SEC22A: variants seen among roughly 807,000 people sequenced by gnomAD.
SEC22A encodes SEC22 homolog A, vesicle trafficking protein.
SEC22A carries 22 observed loss-of-function variants against 35.3 expected under a neutral mutation model. The ratio of observed to expected loss-of-function variants is 0.62; its 90% CI spans 0.45 to 0.89. SEC22A has a LOEUF of 0.89. SEC22A is among the 40% of genes least tolerant of loss of function. The pLI is 0.00. For synonymous variants in SEC22A, 119 were observed against 129.5 expected (o/e 0.92, Z 0.55); for missense variants, 354 against 362.5 (o/e 0.98, Z 0.19).
chr3:123,227,483 C>T (rs1937234789), intron 4 of SEC22A, among the ~76,000 whole-genome samples: 1 of 152,220 alleles, frequency 6.6e-6, no homozygotes, highest in Non-Finnish European at 1.5e-5. Context: ...GGAGGGATAG[C>T]ATTAGGAGAA....
At chr3:123,232,665 A>C (rs9784382) in intron 4 of SEC22A, among the ~76,000 whole-genome samples, 40 of 152,056 alleles carry the variant, frequency 2.6e-4, no homozygotes. Flanking sequence ...TGGACAATGT[A>C]GTGCAACACT....
chr3:123,258,120 T>G (rs548031791), intron 5 of SEC22A, among the ~76,000 whole-genome samples: 1 of 152,274 alleles, frequency 6.6e-6, no homozygotes, highest in South Asian at 2.1e-4. Flanking sequence ...TCCCCACAAT[T>G]AAAGGTTATA....
At chr3:123,252,084 A>G (rs1471722216) in intron 5 of SEC22A, among the ~76,000 whole-genome samples, 2 of 152,230 alleles carry the variant, frequency 1.3e-5, no homozygotes, top group African/African-American at 2.4e-5. Flanking sequence ...TTAACCTGAA[A>G]GAAAATACAT....
rs1938205136 is a variant in SEC22A at position 123,272,938 on chromosome 3, G to GT, written c.*1222dup. On this transcript the variant is annotated 3_prime_UTR_variant, in exon 7 of 7. Coordinates refer to ENST00000492595, the MANE Select transcript of SEC22A (RefSeq NM_012430.5). ...CCCTAGTATCTGAGAGAACTTACTT[G>GT]TTTTTTGATAACGTTTTAAAGATTG... 6.5e-6 allele frequency: 1 copy of GT among 153,726 alleles called. No homozygotes were observed. Among genetic ancestry groups the GT allele is most frequent in the East Asian group, 1.9e-4 (1 of 5,204 alleles). The allele number at this position is 153,726 out of a possible 1,614,324, so 9.5% of individuals were successfully genotyped here.
chr3:123,209,314 T>G lies in SEC22A; in HGVS notation c.97T>G (p.Cys33Gly). 1 of 1,613,956 alleles carries G rather than the reference T, an allele frequency of 6.2e-7. No homozygotes were observed. Among genetic ancestry groups the G allele is most frequent in the Non-Finnish European group, 8.5e-7 (1 of 1,179,898 alleles). ...TGAACAAAGCACAGGAATGCAGGAGTGCAGAAAGTATTTTAAAATGCTTTC... is the reference window on the plus strand; with the variant it reads ...TGAACAAAGCACAGGAATGCAGGAGGGCAGAAAGTATTTTAAAATGCTTTC... ...DYEQSTGMQE[C>G]RKYFKMLSRK... Residue 33 changes from cysteine (C) to glycine (G), a missense_variant, in exon 2 of 7, where the codon TGC becomes GGC. Transcript: ENST00000492595.
chr3:123,273,140 G>A lies in SEC22A; in HGVS notation c.*1418G>A, dbSNP rs533962082. ...AAATTTGATATCATCCAGAAAAACA[G>A]ATCCCATTACATTGTAATTGTTGTT... On this transcript the variant is annotated 3_prime_UTR_variant, in exon 7 of 7. Coordinates refer to ENST00000492595, the MANE Select transcript of SEC22A (RefSeq NM_012430.5). The A allele has an allele frequency of 2.0e-5, 3 of 152,426 alleles. No homozygotes were observed. The highest frequency in any genetic ancestry group is 2.0e-4 in the Admixed American group (3 of 15,298). The allele number at this position is 152,426 out of a possible 1,614,324, so 9.4% of individuals were successfully genotyped here.
chr3:123,260,828 A>ATT (rs1354836055), intron 6 of SEC22A, among the ~76,000 whole-genome samples: 1 of 139,664 alleles, frequency 7.2e-6, no homozygotes. Context: ...AAATCACTTG[A>ATT]TTTTCTTTTT....
chr3:123,238,287 C>T (rs1488716247), intron 4 of SEC22A, among the ~76,000 whole-genome samples: 1 of 152,190 alleles, frequency 6.6e-6, no homozygotes, highest in African/African-American at 2.4e-5. Flanking sequence ...CAACCTCCAC[C>T]TCCTGGGTTA....
At chr3:123,205,339 T>G (rs1936833494) in intron 1 of SEC22A, among the ~76,000 whole-genome samples, 1 of 152,216 alleles carries the variant, frequency 6.6e-6, no homozygotes, top group Admixed American at 6.5e-5. Context: ...GTAATAATTT[T>G]GACAGGGAAT....
intron 1 of SEC22A, chr3:123,208,709 GAT>G (rs1485112792): frequency 6.5e-6 from 1 of 153,388 alleles, no homozygotes; most frequent in African/African-American, 2.5e-5. Context: ...GACAGAGCAA[GAT>G]GCTGTCTCAA....
rs180973043 is a variant in SEC22A at position 123,213,199 on chromosome 3, A to G, written c.182+3800A>G. Among the ~76,000 whole-genome samples the G allele has an allele frequency of 2.1e-3, 313 of 152,298 alleles. 3 individuals carry two copies. Among genetic ancestry groups the G allele is most frequent in the Non-Finnish European group, 4.4e-4 (30 of 68,004 alleles). ...AGTTCCTGACAAGGACCTGGATTTC[A>G]TATGTTTTCTATCATTGATAAGAGA... On this transcript the variant is annotated intron_variant, in intron 2 of 6. Transcript: ENST00000492595.
chr3:123,231,836 A>G (rs572568557), intron 4 of SEC22A, among the ~76,000 whole-genome samples: 1 of 152,346 alleles, frequency 6.6e-6, no homozygotes, highest in African/African-American at 2.4e-5. Context: ...AAACAAATGA[A>G]ATAGAGGATA....
intron 6 of SEC22A, among the ~76,000 whole-genome samples, chr3:123,264,715 A>G (rs1937983750): frequency 1.4e-5 from 2 of 146,966 alleles, no homozygotes; most frequent in South Asian, 4.3e-4. Context: ...TGCAACCTCC[A>G]CCTCCCGGGT....
intron 5 of SEC22A, among the ~76,000 whole-genome samples, chr3:123,253,226 A>C: frequency 6.6e-6 from 1 of 152,166 alleles, no homozygotes. Flanking sequence ...CTTGTATCTC[A>C]TCTTGCAATT....
At chr3:123,256,052 C>G (rs1215889250) in intron 5 of SEC22A, among the ~76,000 whole-genome samples, 1 of 151,944 alleles carries the variant, frequency 6.6e-6, no homozygotes, top group East Asian at 1.9e-4. Context: ...ATACCTTAAT[C>G]ACACCAAAGA....
intron 2 of SEC22A, among the ~76,000 whole-genome samples, chr3:123,222,417 T>A (rs1380474121): frequency 1.3e-5 from 2 of 152,158 alleles, no homozygotes; most frequent in African/African-American, 4.8e-5. Flanking sequence ...CAGGCTGGTC[T>A]CAAGTTCCTG....
Position 123,272,868 on chromosome 3 carries a change from GGCTTTCCTA to G in SEC22A, c.*1149_*1157del. The G allele has an allele frequency of 6.5e-6, 1 of 153,874 alleles. No homozygotes were observed. Among genetic ancestry groups the G allele is most frequent in the East Asian group, 1.9e-4 (1 of 5,192 alleles). 9.5% of individuals were successfully genotyped at this position (153,874 alleles called of 1,614,324 possible). A position where few individuals can be genotyped will look rare whatever the true frequency, so the allele number is the denominator to read the frequency against. On this transcript the variant is annotated 3_prime_UTR_variant, in exon 7 of 7. Coordinates refer to ENST00000492595, the MANE Select transcript of SEC22A (RefSeq NM_012430.5). The stretch of plus-strand genomic sequence containing the variant: ...TTGACTGTAGTAAGAATCAGAAGGT[GGCTTTCCTA>G]GCAACTCATTATTTTATGGCTTTGA...
intron 2 of SEC22A, among the ~76,000 whole-genome samples, chr3:123,220,881 C>CAT (rs755724948): frequency 0.037 from 3,482 of 93,138 alleles, 272 homozygotes; most frequent in African/African-American, 0.12. Context: ...TATATATATA[C>CAT]ATATATATAT....
chr3:123,236,950 G>A lies in SEC22A; in HGVS notation c.542-8949G>A, dbSNP rs1264139424. Among the ~76,000 whole-genome samples the A allele has an allele frequency of 2.0e-5, 3 of 152,128 alleles. No individual in the cohort carries two copies. The East Asian group carries it at 5.8e-4, about 29-fold the overall frequency. On this transcript the variant is annotated intron_variant, in intron 4 of 6. Transcript: ENST00000492595. Reference sequence around the variant, plus strand: ...TTCTGTGCTTTACAAAATGAATGAAGTGAACAAAAAGAATGAAGTGGCAAG... The same window carrying A: ...TTCTGTGCTTTACAAAATGAATGAAATGAACAAAAAGAATGAAGTGGCAAG...
Sources: gnomAD v4.1 joint callset for allele counts (sites outside exome capture counted in the v4.1 genomes callset) on GRCh38, gnomAD v4.1.1 for gene constraint, MANE v1.5 for transcripts, NCBI Gene and HGNC (gene_info 2026-07-23, HGNC 2026-07-21) for gene names.